HMGN5: variants seen among roughly 807,000 people sequenced by gnomAD.
The protein encoded by HMGN5 is high mobility group nucleosome binding domain 5.
A neutral mutation model predicts 9.5 loss-of-function variants in HMGN5; 4 were observed. That is an observed-to-expected ratio of 0.42 (90% CI 0.21 to 0.96). HMGN5 has a LOEUF of 0.96. Among genes scored for constraint, HMGN5 ranks in the 40% least tolerant of loss-of-function variants. The pLI, the probability that HMGN5 is intolerant of heterozygous loss-of-function variation, is 0.30. For missense variants in HMGN5, 192 were observed against 187.5 expected, an observed-to-expected ratio of 1.02 and a Z score of -0.14; for synonymous variants, 55 against 57.1, an observed-to-expected ratio of 0.96 and a Z score of 0.16.
chrX:81,182,118 G>A (rs181976735), intron 1 of HMGN5, among the ~76,000 whole-genome samples: 3 of 111,341 alleles, frequency 2.7e-5, no homozygotes, highest in Admixed American at 9.5e-5. Flanking sequence ...TGTTATTGCC[G>A]GTCTTTGGAT....
At chrX:81,171,190 C>T (rs2075425013) in intron 1 of HMGN5, among the ~76,000 whole-genome samples, 2 of 111,480 alleles carry the variant, frequency 1.8e-5, no homozygotes, top group Non-Finnish European at 3.8e-5. Context: ...ACAAAAAACA[C>T]TTTGGAGATC....
intron 1 of HMGN5, among the ~76,000 whole-genome samples, chrX:81,173,675 G>A (rs937705669): frequency 2.7e-5 from 3 of 111,671 alleles, no homozygotes; most frequent in African/African-American, 9.7e-5. Flanking sequence ...ACTCCTCAGT[G>A]AGTACTATAC....
chrX:81,124,402 C>A (rs2147541238), intron 1 of HMGN5, among the ~76,000 whole-genome samples: 1 of 112,406 alleles, frequency 8.9e-6, no homozygotes, highest in Non-Finnish European at 1.9e-5. Context: ...ACTGTTTAGA[C>A]CCAATCCAAA....
chrX:81,140,990 G>A (rs1382215741), intron 1 of HMGN5, among the ~76,000 whole-genome samples: 2 of 111,211 alleles, frequency 1.8e-5, no homozygotes, highest in African/African-American at 3.3e-5. Context: ...TGAAGAGCCC[G>A]TGGGCCTTAA....
At chrX:81,142,508 C>T (rs1019686804) in intron 1 of HMGN5, among the ~76,000 whole-genome samples, 2 of 111,166 alleles carry the variant, frequency 1.8e-5, no homozygotes, top group Admixed American at 9.6e-5. Flanking sequence ...AGTGGAGCTC[C>T]AATAAATCTT....
intron 5 of HMGN5, among the ~76,000 whole-genome samples, chrX:81,117,913 T>C (rs2075258766): frequency 9.0e-6 from 1 of 110,630 alleles, no homozygotes; most frequent in South Asian, 3.7e-4. Context: ...AGATTATATC[T>C]ATTTCTACAT....
chrX:81,153,583 C>CTCCCTATA (rs2075373226), intron 1 of HMGN5, among the ~76,000 whole-genome samples: 1 of 6,142 alleles, frequency 1.6e-4, no homozygotes, highest in African/African-American at 5.6e-4. Context: ...CTCTCTCTCT[C>CTCCCTATA]TATATATATA....
At chrX:81,164,890 C>T (rs1201530864) in intron 1 of HMGN5, among the ~76,000 whole-genome samples, 1 of 111,280 alleles carries the variant, frequency 9.0e-6, no homozygotes, top group Non-Finnish European at 1.9e-5. Flanking sequence ...TATAAAGAAA[C>T]TCACTAGACT....
Position 81,118,450 on chromosome X carries a change from T to C in HMGN5, c.111A>G (p.Lys37=), listed in dbSNP as rs1180495394. The change falls in exon 5 of 7, where the codon AAA becomes AAG. Residue 37 remains lysine, a synonymous_variant. Transcript: ENST00000358130. ...TATTTACCCTTGAACTTGATGTTCT[T>C]TTAGGCTTCACCTCTGGTGTAACTG... ...LVPVTPEVKP[K]RTSSSRKMKT... 2 of 1,178,616 alleles carry C rather than the reference T, an allele frequency of 1.7e-6. No individual in the cohort carries two copies. Among genetic ancestry groups the C allele is most frequent in the Non-Finnish European group, 2.3e-6 (2 of 873,559 alleles).
At chrX:81,137,853 T>A (rs771612214) in intron 1 of HMGN5, among the ~76,000 whole-genome samples, 11 of 111,348 alleles carry the variant, frequency 9.9e-5, no homozygotes, top group Non-Finnish European at 2.1e-4. Context: ...ATATGGGGAA[T>A]GAAACAGGAG....
At chrX:81,147,119 A>C (rs2075347169) in intron 1 of HMGN5, among the ~76,000 whole-genome samples, 1 of 112,066 alleles carries the variant, frequency 8.9e-6, no homozygotes, top group African/African-American at 3.2e-5. Context: ...AACAATAGAA[A>C]AAAAGGGAAT....
intron 1 of HMGN5, among the ~76,000 whole-genome samples, chrX:81,139,976 A>G (rs2075323637): frequency 8.9e-6 from 1 of 112,154 alleles, no homozygotes; most frequent in South Asian, 3.7e-4. Flanking sequence ...GAGACAGTGG[A>G]CTGGGTAGCT....
At chrX:81,131,444 T>C (rs1054448499) in intron 1 of HMGN5, among the ~76,000 whole-genome samples, 3 of 111,083 alleles carry the variant, frequency 2.7e-5, no homozygotes, top group African/African-American at 6.5e-5. Context: ...TGTGTGGGGA[T>C]TGAAAAGGAC....
chrX:81,153,549 G>GT (rs2075371782), intron 1 of HMGN5, among the ~76,000 whole-genome samples: 1 of 11,748 alleles, frequency 8.5e-5, no homozygotes, highest in Non-Finnish European at 1.5e-4. Flanking sequence ...GCGAAACTCT[G>GT]CCTCTCTCTC....
intron 1 of HMGN5, among the ~76,000 whole-genome samples, chrX:81,163,536 T>C (rs1014896260): frequency 1.8e-5 from 2 of 111,764 alleles, no homozygotes; most frequent in Admixed American, 9.5e-5. Context: ...TGATGATTTG[T>C]TTGTTTTAGT....
At chrX:81,116,664 G>A (rs1266497574) in intron 5 of HMGN5, among the ~76,000 whole-genome samples, 2 of 111,998 alleles carry the variant, frequency 1.8e-5, no homozygotes, top group Non-Finnish European at 3.8e-5. Context: ...CATCAGGTTA[G>A]ACTGATCAAT....
intron 1 of HMGN5, among the ~76,000 whole-genome samples, chrX:81,162,551 A>G (rs1235509361): frequency 2.7e-5 from 3 of 111,391 alleles, no homozygotes; most frequent in Non-Finnish European, 5.7e-5. Flanking sequence ...GTTATGAACT[A>G]GTGACTGCTG....
chrX:81,183,954 T>C (rs1241316813), intron 1 of HMGN5, among the ~76,000 whole-genome samples: 1 of 112,097 alleles, frequency 8.9e-6, no homozygotes, highest in Non-Finnish European at 1.9e-5. Context: ...TTGCCTTGTC[T>C]CAAATGAGAC....
At chrX:81,170,857 C>A (rs1399025675) in intron 1 of HMGN5, among the ~76,000 whole-genome samples, 1 of 110,820 alleles carries the variant, frequency 9.0e-6, no homozygotes, top group African/African-American at 3.3e-5. Context: ...CAACCCTGCA[C>A]ATTAGGTACT....
Sources: allele counts gnomAD v4.1 joint callset (sites outside exome capture counted in the v4.1 genomes callset), GRCh38; gene constraint gnomAD v4.1.1; transcripts MANE v1.5; gene names NCBI Gene and HGNC (gene_info 2026-07-23, HGNC 2026-07-21).